The following RAPGEF6 variants were observed in gnomAD, a reference collection of about 807,000 sequenced individuals.
RAPGEF6 encodes the protein PDZ domain containing guanine nucleotide exchange factor (GEF) 2.
Under a neutral mutation model 171.4 loss-of-function variants are expected in RAPGEF6, and 56 were observed. That is an observed-to-expected ratio of 0.33 (90% CI 0.26 to 0.41). The LOEUF is 0.41. Ranked by LOEUF, RAPGEF6 falls within the 10% of genes least tolerant of loss-of-function variation. The pLI is 1.00. For synonymous variants in RAPGEF6, 692 were observed against 650.1 expected, an observed-to-expected ratio of 1.06 and a Z score of -0.98; for missense variants, 1,674 against 1,921.4, an observed-to-expected ratio of 0.87 and a Z score of 2.41.
In RAPGEF6 at chr5:131,565,914, G is replaced by A. The variant is rs541110975; in HGVS notation, c.282-3867C>T. The stretch of plus-strand genomic sequence containing the variant: ...TAATCCCAGCACTTTGGGAGGCAGA[G>A]GCTAGCAAATAGCTTGAGCTCAGGA... On this transcript the variant is annotated intron_variant, in intron 4 of 27. Transcript: ENST00000509018. Among the ~76,000 whole-genome samples, 6 of 152,262 alleles carry A rather than the reference G, an allele frequency of 3.9e-5. No homozygotes were observed. In the East Asian group the frequency reaches 7.7e-4, roughly 20 times the overall value.
rs534255939 is a variant in RAPGEF6 at position 131,450,111 on chromosome 5, C to T, written c.3200+2943G>A. ...ATAGGAAAGCACAGAAAAAAGACAA[C>T]AGTTGAGAGTCAGAGAAACTATGCA... On this transcript the variant is annotated intron_variant, in intron 21 of 27. Transcript: ENST00000509018. 208 of 1,448,360 alleles carry T rather than the reference C, an allele frequency of 1.4e-4. 2 individuals carry two copies. The South Asian group carries it at 2.4e-3, about 17-fold the overall frequency. The allele number at this position is 1,448,360 out of a possible 1,614,324, so 89.7% of individuals were successfully genotyped here.
At chr5:131,555,412 T>A (rs1267465645) in intron 5 of RAPGEF6, among the ~76,000 whole-genome samples, 2 of 71,494 alleles carry the variant, frequency 2.8e-5, no homozygotes, top group Non-Finnish European at 6.2e-5. Flanking sequence ...TAAATACTTT[T>A]AAGAAAAAAA....
At chr5:131,501,351 AAT>A (rs1351258062) in intron 11 of RAPGEF6, among the ~76,000 whole-genome samples, 23 of 152,052 alleles carry the variant, frequency 1.5e-4, no homozygotes, top group African/African-American at 5.5e-4. Flanking sequence ...AAAAAAAAAA[AAT>A]CAAATGATCA....
chr5:131,614,281 C>CAAA (rs386404987), intron 1 of RAPGEF6, among the ~76,000 whole-genome samples: 46,079 of 80,666 alleles, frequency 0.57, 13,619 homozygotes, highest in Non-Finnish European at 0.64. Flanking sequence ...GACTCTGTCT[C>CAAA]AAAAAAAAAA....
chr5:131,454,693 C>T (rs1219700981), intron 20 of RAPGEF6, among the ~76,000 whole-genome samples: 1 of 152,012 alleles, frequency 6.6e-6, no homozygotes, highest in Non-Finnish European at 1.5e-5. Flanking sequence ...GAGAATTTTC[C>T]CAAACTGATG....
intron 4 of RAPGEF6, among the ~76,000 whole-genome samples, chr5:131,570,627 GAT>G (rs1762220756): frequency 6.6e-6 from 1 of 152,072 alleles, no homozygotes; most frequent in African/African-American, 2.4e-5. Context: ...TGCTAGAATT[GAT>G]ATGTGCTAAA....
intron 6 of RAPGEF6, among the ~76,000 whole-genome samples, chr5:131,532,487 A>G (rs998787366): frequency 1.8e-4 from 28 of 152,204 alleles, no homozygotes; most frequent in African/African-American, 6.3e-4. Flanking sequence ...AAAGCAAATC[A>G]GGCAACATGC....
intron 20 of RAPGEF6, among the ~76,000 whole-genome samples, chr5:131,454,299 C>A (rs1235567473): frequency 2.0e-5 from 3 of 152,146 alleles, no homozygotes; most frequent in Non-Finnish European, 4.4e-5. Context: ...AACTGCCTGC[C>A]AGAAGCAAAC....
chr5:131,479,728 A>G lies in RAPGEF6; in HGVS notation c.1866T>C (p.Thr622=). Residue 622 remains threonine (T), a synonymous_variant, in exon 16 of 28, where the codon ACT becomes ACC. Coordinates refer to ENST00000509018, the MANE Select transcript of RAPGEF6 (RefSeq NM_016340.6). ...GAGGAACACCAGATTTCTCTTGTTC[A>G]GTCCTAAAAAGTAACTCTTTGAACA... The part of the protein sequence containing the change: ...IFVFKELLFR[T]EQEKSGVPHI... 1 of 1,613,864 alleles carries G rather than the reference A, an allele frequency of 6.2e-7. No homozygotes were observed. Among genetic ancestry groups the G allele is most frequent in the Non-Finnish European group, 8.5e-7 (1 of 1,179,914 alleles).
At chr5:131,463,992 T>C in intron 18 of RAPGEF6, 49 bp downstream of exon 18, 1 of 1,516,596 alleles carries the variant, frequency 6.6e-7, no homozygotes, top group Non-Finnish European at 8.8e-7. Flanking sequence ...ACAGGAAATC[T>C]TCAAAAGCAC....
intron 5 of RAPGEF6, among the ~76,000 whole-genome samples, 193 bp from the exon 6 acceptor site, chr5:131,548,383 C>T (rs1257730641): frequency 6.6e-6 from 1 of 152,116 alleles, no homozygotes; most frequent in Non-Finnish European, 1.5e-5. Flanking sequence ...ATCTGGAGAC[C>T]ACAGTTTCCG....
chr5:131,531,124 G>C (rs1304106749), intron 6 of RAPGEF6, among the ~76,000 whole-genome samples: 1 of 152,094 alleles, frequency 6.6e-6, no homozygotes, highest in African/African-American at 2.4e-5. Context: ...AGTGAGCTAG[G>C]CCAGATAAAA....
intron 16 of RAPGEF6, 32 bp downstream of exon 16, chr5:131,479,481 A>G (rs764718486): frequency 1.9e-6 from 3 of 1,603,678 alleles, no homozygotes; most frequent in Non-Finnish European, 2.6e-6. Context: ...GAAGATGAAA[A>G]TTCCTGCATA....
intron 10 of RAPGEF6, 152 bp from the exon 11 acceptor site, chr5:131,504,930 A>C: frequency 1.2e-6 from 1 of 811,782 alleles, no homozygotes; most frequent in Non-Finnish European, 1.8e-6. Flanking sequence ...AAGGTGAAAC[A>C]ATTCACGTAT....
chr5:131,479,370 T>A, intron 16 of RAPGEF6, 143 bp downstream of exon 16: 2 of 786,358 alleles, frequency 2.5e-6, no homozygotes, highest in South Asian at 4.0e-5. Flanking sequence ...TTCAAATGTA[T>A]TCTTATTTGA....
At chr5:131,632,878 T>TA (rs1766398782) in intron 1 of RAPGEF6, among the ~76,000 whole-genome samples, 1 of 152,234 alleles carries the variant, frequency 6.6e-6, no homozygotes. Flanking sequence ...TAACCTCTTA[T>TA]GCTGCTAGAT....
chr5:131,629,394 C>T (rs949757501), intron 1 of RAPGEF6, among the ~76,000 whole-genome samples: 1 of 151,954 alleles, frequency 6.6e-6, no homozygotes, highest in African/African-American at 2.4e-5. Context: ...TTGAATCCAA[C>T]CTTTATGAAT....
rs989948979 is a variant in RAPGEF6 at position 131,593,446 on chromosome 5, A to G, written c.198-980T>C. On this transcript the variant is annotated intron_variant, in intron 3 of 27. Coordinates refer to ENST00000509018, the MANE Select transcript of RAPGEF6 (RefSeq NM_016340.6). The stretch of plus-strand genomic sequence containing the variant: ...ATTAGTAATAGTGGGGCACTGCTAC[A>G]AAGATACCTGAAAATGTAGAAGTGA... Among the ~76,000 whole-genome samples, 3 of 152,260 alleles carry G rather than the reference A, an allele frequency of 2.0e-5. No homozygotes were observed. The East Asian group carries it at 5.8e-4, about 29-fold the overall frequency.
At chr5:131,543,967 G>A (rs527987117) in intron 6 of RAPGEF6, among the ~76,000 whole-genome samples, 6 of 152,080 alleles carry the variant, frequency 3.9e-5, no homozygotes, top group East Asian at 3.9e-4. Flanking sequence ...GCTCAACACC[G>A]TAAGTCATCA....
Sources: gnomAD v4.1 joint callset for allele counts (sites outside exome capture counted in the v4.1 genomes callset) on GRCh38, gnomAD v4.1.1 for gene constraint, MANE v1.5 for transcripts, NCBI Gene and HGNC (gene_info 2026-07-23, HGNC 2026-07-21) for gene names.